The following SF3A2 variants were observed in gnomAD, a reference collection of about 807,000 sequenced individuals.
SF3A2 encodes SAP 62.
Under a neutral mutation model 31.1 loss-of-function variants are expected in SF3A2, and 5 were observed. The observed-to-expected ratio is 0.16, with a 90% CI of 0.08 to 0.34. The LOEUF is 0.34. SF3A2 is among the 10% of genes least tolerant of loss of function. The pLI is 1.00. For synonymous variants in SF3A2, 365 were observed against 263.7 expected (o/e 1.38, Z -3.72); for missense variants, 577 against 643.9 (o/e 0.90, Z 1.13).
rs755216855 is a variant in SF3A2 at position 2,247,641 on chromosome 19, C to T, written c.594C>T (p.His198=). The change falls in exon 8 of 9, where the codon CAC becomes CAT. Residue 198 remains histidine, a synonymous_variant. Transcript: ENST00000221494. Reference sequence around the variant, plus strand: ...AGGCGGAGGGCAAGTTCTGGACACACTGGAACCGGGAGACCAAGCAGGTGA... The same window carrying T: ...AGGCGGAGGGCAAGTTCTGGACACATTGGAACCGGGAGACCAAGCAGGTGA... The part of the protein sequence containing the change: ...IDKAEGKFWT[H]WNRETKQFFL... The T allele has an allele frequency of 3.3e-5, 54 of 1,613,336 alleles. No individual in the cohort carries two copies. The highest frequency in any genetic ancestry group is 3.0e-4 in the Admixed American group (18 of 59,984).
In SF3A2 at chr19:2,246,745, T is replaced by G; in HGVS notation, c.356-8T>G. 6.2e-7 allele frequency: 1 copy of G among 1,613,814 alleles called. No individual in the cohort carries two copies. ...GCAGCCGGGACCTGAGAGCTTTCTG[T>G]GTTGCAGTGACCAAGCAGAGAGACT... On this transcript the variant is annotated splice_region_variant and splice_polypyrimidine_tract_variant and intron_variant, in intron 5 of 8. Transcript: ENST00000221494. This position sits in a 1 kb window ranked among gnomAD's most constrained non-coding sequence, Gnocchi z 5.5.
chr19:2,239,042 T>C (rs181336802), intron 1 of SF3A2, among the ~76,000 whole-genome samples: 1 of 152,298 alleles, frequency 6.6e-6, no homozygotes, highest in East Asian at 1.9e-4. Context: ...GTTAGAAGTT[T>C]GGTGGGGTAT....
chr19:2,245,400 G>A lies in SF3A2; in HGVS notation c.246-46G>A. ...TGGCACCTGGGCCCATGGCTTTGGTGCCTGTGTGTGGAGGGGTCCCAGCAG... is the reference window on the plus strand; with the variant it reads ...TGGCACCTGGGCCCATGGCTTTGGTACCTGTGTGTGGAGGGGTCCCAGCAG... On this transcript the variant is annotated intron_variant, in intron 4 of 8. Coordinates refer to ENST00000221494, the MANE Select transcript of SF3A2 (RefSeq NM_007165.5). The surrounding 1 kb of genome is among the most constrained non-coding windows in gnomAD (Gnocchi z 4.2). 1.4e-6 allele frequency: 2 copies of A among 1,425,932 alleles called. No individual in the cohort carries two copies. Among genetic ancestry groups the A allele is most frequent in the Non-Finnish European group, 1.9e-6 (2 of 1,035,982 alleles). 88.3% of individuals were successfully genotyped at this position (1,425,932 alleles called of 1,614,324 possible).
At chr19:2,237,242 A>AC (rs983095799) in intron 1 of SF3A2, 10 of 151,140 alleles carry the variant, frequency 6.6e-5, no homozygotes, top group African/African-American at 1.7e-4. Flanking sequence ...ACACACCGAG[A>AC]CCCCCATCTC....
chr19:2,242,328 C>G (rs768331223), intron 1 of SF3A2, among the ~76,000 whole-genome samples: 10 of 152,248 alleles, frequency 6.6e-5, no homozygotes, highest in Non-Finnish European at 1.5e-4. Context: ...GGCTCCATTC[C>G]TTCTGGAGGC....
chr19:2,243,458 G>A lies in SF3A2; in HGVS notation c.40G>A (p.Gly14Arg). Residue 14 changes from glycine to arginine, a missense_variant, in exon 2 of 9, where the codon GGG (glycine) becomes AGG (arginine). Transcript: ENST00000221494. ...QHRPGGKTGS[G>R]GVASSSESNR... ...TCGCCCCGGGGGCAAGACCGGGAGC[G>A]GGGGCGTGGCCTCCTCCTCCGAGAG... The A allele has an allele frequency of 6.4e-7, 1 of 1,555,690 alleles. No homozygotes were observed. The highest frequency in any genetic ancestry group is 8.6e-7 in the Non-Finnish European group (1 of 1,157,446).
At position 2,248,123 on chromosome 19, in the gene SF3A2, ACCAACCTCT is replaced by A; in HGVS notation, c.973_981del (p.Pro325_Ser327del). On this transcript the variant is annotated inframe_deletion, in exon 9 of 9. Transcript: ENST00000221494. ...ATCCCCCAGCCCCTGGGGTCCACCCACCAACCTCTGGGGTCCACCCCCCAGCTCCTGGAG... is the reference window on the plus strand; with the variant it reads ...ATCCCCCAGCCCCTGGGGTCCACCCAGGGGTCCACCCCCCAGCTCCTGGAG... The A allele has an allele frequency of 8.6e-7, 1 of 1,161,802 alleles. No homozygotes were observed. Among genetic ancestry groups the A allele is most frequent in the Non-Finnish European group, 1.2e-6 (1 of 861,578 alleles). The allele number at this position is 1,161,802 out of a possible 1,614,324, so 72.0% of individuals were successfully genotyped here.
At chr19:2,247,695 C>T in intron 8 of SF3A2, 33 bp downstream of exon 8, 1 of 1,612,408 alleles carries the variant, frequency 6.2e-7, no homozygotes, top group Non-Finnish European at 8.5e-7. Context: ...GGCTCCTTCC[C>T]ACCCAGCCCT....
Position 2,248,298 on chromosome 19 carries a change from GC to G in SF3A2, c.1152del (p.Ala385ProfsTer61). On this transcript the variant is annotated frameshift_variant, in exon 9 of 9. Coordinates refer to ENST00000221494, the MANE Select transcript of SF3A2 (RefSeq NM_007165.5). LOFTEE classifies it low-confidence loss of function (END_TRUNC). ...HPQAPGVHPA[A>X]PAVHPQAPGV... ...CCAGGCCCCGGGGGTGCACCCAGCA[GC>G]CCCCGCCGTTCACCCTCAGGCCCCA... 1 of 1,380,768 alleles carries G rather than the reference GC, an allele frequency of 7.2e-7. No individual in the cohort carries two copies. Among genetic ancestry groups the G allele is most frequent in the Non-Finnish European group, 9.3e-7 (1 of 1,071,270 alleles). The allele number at this position is 1,380,768 out of a possible 1,614,324, so 85.5% of individuals were successfully genotyped here.
At chr19:2,242,459 G>A (rs981889502) in intron 1 of SF3A2, among the ~76,000 whole-genome samples, 3 of 152,098 alleles carry the variant, frequency 2.0e-5, no homozygotes, top group Admixed American at 1.3e-4. Flanking sequence ...TCAGCCTCCC[G>A]CCTCCTCTCA....
intron 1 of SF3A2, among the ~76,000 whole-genome samples, chr19:2,239,414 A>G (rs2145006384): frequency 1.3e-5 from 2 of 151,864 alleles, no homozygotes; most frequent in Middle Eastern, 6.8e-3. Context: ...GAACTGTGAA[A>G]GCATTGTTTT....
At position 2,246,505 on chromosome 19, in the gene SF3A2, T is replaced by G. The variant is rs2024934406; in HGVS notation, c.356-248T>G. Among the ~76,000 whole-genome samples the G allele has an allele frequency of 1.3e-5, 2 of 152,004 alleles. No homozygotes were observed. Among genetic ancestry groups the G allele is most frequent in the African/African-American group, 4.8e-5 (2 of 41,388 alleles). ...CACCCCTGGTGAAGGGCTCTGGGGA[T>G]TGGGACAAAGGAGCACCATCCTCGG... is the stretch of plus-strand genomic sequence containing the variant. On this transcript the variant is annotated intron_variant, in intron 5 of 8. Transcript: ENST00000221494. The surrounding 1 kb of genome is among the most constrained non-coding windows in gnomAD (Gnocchi z 5.5).
At chr19:2,242,486 C>T (rs2024899943) in intron 1 of SF3A2, among the ~76,000 whole-genome samples, 1 of 152,200 alleles carries the variant, frequency 6.6e-6, no homozygotes, top group African/African-American at 2.4e-5. Flanking sequence ...CACCCAGGAT[C>T]ACCTGCCATT....
chr19:2,248,193 C>T lies in SF3A2; in HGVS notation c.1042C>T (p.Pro348Ser), dbSNP rs766086619. The T allele has an allele frequency of 4.1e-6, 6 of 1,462,498 alleles. No homozygotes were observed. The highest frequency in any genetic ancestry group is 4.6e-6 in the Non-Finnish European group (5 of 1,084,608). The allele number at this position is 1,462,498 out of a possible 1,614,324, so 90.6% of individuals were successfully genotyped here. A position where few individuals can be genotyped will look rare whatever the true frequency, so the allele number is the denominator to read the frequency against. The change falls in exon 9 of 9, where the codon CCC (proline) becomes TCC (serine). Residue 348 changes from proline to serine, a missense_variant. By Grantham distance (74) the Pro-to-Ser change is moderately conservative. Transcript: ENST00000221494. ...AGCCCCCGGGGTTCACCCACCAGCC[C>T]CCGGAGTCCACCCACCAGCCCCTGG... Reference protein sequence around the residue: ...PPAPGVHPPAPGVHPPAPGVH... With the variant: ...PPAPGVHPPASGVHPPAPGVH...
At position 2,248,171 on chromosome 19, in the gene SF3A2, C is replaced by CCCCGGAGTCCACCCTCCAGCT; in HGVS notation, c.1025_1026insAGTCCACCCTCCAGCTCCCGG (p.Ala361_Pro367dup). The CCCCGGAGTCCACCCTCCAGCT allele has an allele frequency of 1.4e-6, 2 of 1,467,954 alleles. No homozygotes were observed. Among genetic ancestry groups the CCCCGGAGTCCACCCTCCAGCT allele is most frequent in the Admixed American group, 2.0e-5 (1 of 50,240 alleles). 90.9% of individuals were successfully genotyped at this position (1,467,954 alleles called of 1,614,324 possible). On this transcript the variant is annotated inframe_insertion, in exon 9 of 9. Coordinates refer to ENST00000221494, the MANE Select transcript of SF3A2 (RefSeq NM_007165.5). ...CAGCTCCTGGAGTCCACCCTCCAGC[C>CCCCGGAGTCCACCCTCCAGCT]CCCGGGGTTCACCCACCAGCCCCCG...
chr19:2,247,839 G>C lies in SF3A2; in HGVS notation c.688G>C (p.Val230Leu). Residue 230 changes from valine to leucine, a missense_variant, in exon 9 of 9, where the codon GTG becomes CTG. Coordinates refer to ENST00000221494, the MANE Select transcript of SF3A2 (RefSeq NM_007165.5). ...CAGCCTCCCTGCTGGCCCCCCTGGG[G>C]TGAAGCGGCCTCCACCCCCGCTGAT... Reference protein sequence around the residue: ...PPSLPAGPPGVKRPPPPLMNG... With the variant: ...PPSLPAGPPGLKRPPPPLMNG... 1 of 1,589,024 alleles carries C rather than the reference G, an allele frequency of 6.3e-7. No individual in the cohort carries two copies. Among genetic ancestry groups the C allele is most frequent in the Non-Finnish European group, 8.6e-7 (1 of 1,163,278 alleles).
rs1277211253 is a variant in SF3A2 at position 2,238,981 on chromosome 19, G to C, written c.-38+2080G>C. Reference sequence around the variant, plus strand: ...TGAAGAAACAGATGATTTTTTTCGGGGGGTGGGGGAAGTCCTTGATTGTCT... The same window carrying C: ...TGAAGAAACAGATGATTTTTTTCGGCGGGTGGGGGAAGTCCTTGATTGTCT... On this transcript the variant is annotated intron_variant, in intron 1 of 8. Transcript: ENST00000221494. Among the ~76,000 whole-genome samples the C allele has an allele frequency of 4.6e-5, 7 of 152,156 alleles. No individual in the cohort carries two copies. In the East Asian group the frequency reaches 1.3e-3, roughly 29 times the overall value.
At chr19:2,247,128 G>C (rs981147371) in intron 7 of SF3A2, 106 bp downstream of exon 7, 11 of 1,152,040 alleles carry the variant, frequency 9.5e-6, no homozygotes, top group Middle Eastern at 2.9e-4. Flanking sequence ...GGTCCCCTGG[G>C]CCCCCCCCAA....
At chr19:2,239,650 A>C (rs1044584144) in intron 1 of SF3A2, among the ~76,000 whole-genome samples, 5 of 151,726 alleles carry the variant, frequency 3.3e-5, no homozygotes, top group Non-Finnish European at 2.9e-5. Context: ...TTTTCTTGCT[A>C]ATGTTCTTAT....
Sources: allele counts gnomAD v4.1 joint callset (sites outside exome capture counted in the v4.1 genomes callset), GRCh38; gene constraint gnomAD v4.1.1; non-coding constraint Gnocchi (gnomAD v3.1); transcripts MANE v1.5; gene names NCBI Gene and HGNC (gene_info 2026-07-23, HGNC 2026-07-21).